KAZN: variants seen among roughly 807,000 people sequenced by gnomAD.
KAZN encodes the protein kazrin.
A neutral mutation model predicts 87.4 loss-of-function variants in KAZN; 40 were observed. The observed-to-expected ratio is 0.46, with a 90% CI of 0.36 to 0.60. The LOEUF is 0.60. KAZN is among the 20% of genes least tolerant of loss of function. The pLI, the probability that KAZN is intolerant of heterozygous loss-of-function variation, is 0.00. For synonymous variants in KAZN, 466 were observed against 458.3 expected (o/e 1.02, Z -0.22); for missense variants, 898 against 1,073.9 (o/e 0.84, Z 2.29).
In KAZN at chr1:14,145,359, G is replaced by A. The variant is rs185392027; in HGVS notation, c.92-35076G>A. 1.7e-3 allele frequency among the ~76,000 whole-genome samples: 256 copies of A among 152,064 alleles called. 1 individual carries two copies. Among genetic ancestry groups the A allele is most frequent in the African/African-American group, 5.9e-3 (243 of 41,478 alleles). On this transcript the variant is annotated intron_variant, in intron 1 of 16. Coordinates refer to the KAZN transcript ENST00000636203. ...CTCAGGAGGCTGAGGTGGGAGGATC[G>A]CTTGAGTCAAGGAGGTCGAGGCTGC...
chr1:14,018,485 G>A lies in KAZN; in HGVS notation c.91+124729G>A, dbSNP rs539140691. Among the ~76,000 whole-genome samples the A allele has an allele frequency of 3.3e-5, 5 of 152,284 alleles. No homozygotes were observed. In the East Asian group the frequency reaches 7.7e-4, roughly 23 times the overall value. ...TTTATAGCGGTGATAATTTGCACAT[G>A]TGATGGTTAATTTTGGGTGTCAACA... On this transcript the variant is annotated intron_variant, in intron 1 of 16. Coordinates refer to the KAZN transcript ENST00000636203.
chr1:13,964,269 AAGTGTATTTTAT>A (rs1312194477), intron 1 of KAZN, among the ~76,000 whole-genome samples: 1 of 152,206 alleles, frequency 6.6e-6, no homozygotes, highest in Non-Finnish European at 1.5e-5. Context: ...AACAACGAGT[AAGTGTATTTTAT>A]AGTGTATTAG....
intron 1 of KAZN, among the ~76,000 whole-genome samples, chr1:13,917,427 G>A (rs943616074): frequency 2.0e-5 from 3 of 152,172 alleles, no homozygotes; most frequent in African/African-American, 7.2e-5. Flanking sequence ...CTGGTGAGTG[G>A]CCAATGCAGC....
At chr1:14,334,099 C>T (rs565502175) in intron 2 of KAZN, among the ~76,000 whole-genome samples, 2 of 151,860 alleles carry the variant, frequency 1.3e-5, no homozygotes, top group African/African-American at 4.8e-5. Context: ...GCAAGGTTGG[C>T]TCATGCCTGT....
At chr1:14,601,746 GT>G (rs1677001300) in intron 1 of KAZN, among the ~76,000 whole-genome samples, 1 of 152,174 alleles carries the variant, frequency 6.6e-6, no homozygotes, top group Non-Finnish European at 1.5e-5. Context: ...TGTTGGTGCA[GT>G]TCAATGGGCC....
intron 1 of KAZN, among the ~76,000 whole-genome samples, chr1:14,852,309 C>A (rs1051618589): frequency 6.6e-5 from 10 of 152,208 alleles, no homozygotes; most frequent in African/African-American, 2.4e-4. Context: ...GGGCTGAGGC[C>A]CAGCAGGTGT....
chr1:14,519,921 C>CGT (rs1671497068), intron 2 of KAZN, among the ~76,000 whole-genome samples: 1 of 152,112 alleles, frequency 6.6e-6, no homozygotes, highest in Admixed American at 6.5e-5. Flanking sequence ...CTCAGGCACC[C>CGT]AGAGGGCCCC....
chr1:14,773,985 G>A lies in KAZN; in HGVS notation c.226+174762G>A, dbSNP rs929330525. On this transcript the variant is annotated intron_variant, in intron 1 of 14. Transcript: ENST00000376030. The surrounding 1 kb of genome is among the most constrained non-coding windows in gnomAD (Gnocchi z 5.9). ...GCCCATGGCTGCTGCCAACCAAGGCGCCCTTGTGGGCTGTTCACCTGAGCT... is the reference window on the plus strand; with the variant it reads ...GCCCATGGCTGCTGCCAACCAAGGCACCCTTGTGGGCTGTTCACCTGAGCT... Among the ~76,000 whole-genome samples, 16 of 152,342 alleles carry A rather than the reference G, an allele frequency of 1.1e-4. No individual in the cohort carries two copies. The highest frequency in any genetic ancestry group is 2.1e-4 in the South Asian group (1 of 4,824).
chr1:14,993,585 G>A (rs114415145), intron 2 of KAZN, among the ~76,000 whole-genome samples: 1,777 of 152,158 alleles, frequency 0.012, 35 homozygotes, highest in African/African-American at 0.041. Flanking sequence ...CAGTGTTCTC[G>A]GCCTGCACTC....
intron 2 of KAZN, among the ~76,000 whole-genome samples, chr1:14,419,989 A>G (rs1665276686): frequency 6.6e-6 from 1 of 152,188 alleles, no homozygotes; most frequent in African/African-American, 2.4e-5. Flanking sequence ...CGGCTCCGGC[A>G]GCCTGCTTTT....
chr1:15,068,126 C>A lies in KAZN; in HGVS notation c.1222+2373C>A, dbSNP rs55962868. 3.2e-3 allele frequency: 3,006 copies of A among 925,130 alleles called. 71 individuals carry two copies. The African/African-American group carries it at 0.051, about 16-fold the overall frequency. The allele number at this position is 925,130 out of a possible 1,614,324, so 57.3% of individuals were successfully genotyped here. ...GCAAATATAAAATATTAAAAAAAAT[C>A]TAAATAAAGCTTATTTTAAAATATG... On this transcript the variant is annotated intron_variant, in intron 8 of 14. Transcript: ENST00000376030.
intron 2 of KAZN, among the ~76,000 whole-genome samples, chr1:14,203,241 A>G (rs1646676030): frequency 6.6e-6 from 1 of 152,134 alleles, no homozygotes; most frequent in African/African-American, 2.4e-5. Flanking sequence ...GTGGAGTGCG[A>G]GAGGAAATAT....
intron 2 of KAZN, among the ~76,000 whole-genome samples, chr1:14,580,872 T>A (rs1242630463): frequency 6.6e-6 from 1 of 152,198 alleles, no homozygotes; most frequent in Non-Finnish European, 1.5e-5. Context: ...TTACTCAGCC[T>A]ATTAGAAAGT....
intron 2 of KAZN, among the ~76,000 whole-genome samples, chr1:14,427,513 A>AAC (rs141037257): frequency 0.05 from 7,450 of 150,350 alleles, 226 homozygotes; most frequent in East Asian, 0.11. Flanking sequence ...CTATAATTTA[A>AAC]ACACACACAC....
At position 14,109,941 on chromosome 1, in the gene KAZN, A is replaced by G. The variant is rs1304961193; in HGVS notation, c.92-70494A>G. Among the ~76,000 whole-genome samples the G allele has an allele frequency of 3.3e-5, 3 of 91,926 alleles. 1 individual carries two copies. Among genetic ancestry groups the G allele is most frequent in the African/African-American group, 1.4e-4 (3 of 21,934 alleles). The allele number at this position is 91,926 out of a possible 152,430, so 60.3% of individuals were successfully genotyped here. ...TTCCCCTACCATTTCTCTATAGCCT[A>G]TGTTAATTTTGCTCTTTTCTTGCCA... On this transcript the variant is annotated intron_variant, in intron 1 of 16. Coordinates refer to the KAZN transcript ENST00000636203.
chr1:14,375,893 CAAA>C (rs60145610), intron 2 of KAZN, among the ~76,000 whole-genome samples: 13 of 19,080 alleles, frequency 6.8e-4, no homozygotes, highest in South Asian at 3.2e-3. Context: ...ATCTCAAAAA[CAAA>C]AAAAAAAAAA....
At chr1:14,693,954 G>A (rs1641461525) in intron 1 of KAZN, among the ~76,000 whole-genome samples, 1 of 152,232 alleles carries the variant, frequency 6.6e-6, no homozygotes, top group Non-Finnish European at 1.5e-5. Flanking sequence ...GGTTTAAAAT[G>A]TAGCATGCAG....
At chr1:14,329,600 C>A (rs1322041234) in intron 2 of KAZN, among the ~76,000 whole-genome samples, 1 of 152,134 alleles carries the variant, frequency 6.6e-6, no homozygotes, top group Non-Finnish European at 1.5e-5. Flanking sequence ...CAGGTCTGCC[C>A]ACTCCAAAGA....
intron 2 of KAZN, among the ~76,000 whole-genome samples, chr1:14,477,448 C>CTCTCTCTCTCTCTCTT (rs1438564872): frequency 6.8e-6 from 1 of 147,376 alleles, no homozygotes; most frequent in Admixed American, 6.7e-5. Flanking sequence ...CTCTCTCCCC[C>CTCTCTCTCTCTCTCTT]TCTCTCTCTC....
Sources: gnomAD v4.1 joint callset for allele counts (sites outside exome capture counted in the v4.1 genomes callset) on GRCh38, gnomAD v4.1.1 for gene constraint, Gnocchi (gnomAD v3.1) non-coding constraint, MANE v1.5 for transcripts, NCBI Gene and HGNC (gene_info 2026-07-23, HGNC 2026-07-21) for gene names.